Variants in RRAGB observed in about 807,000 individuals in gnomAD.
RRAGB encodes Ras related GTP binding B, also known as ras-related GTP-binding protein B.
Under a neutral mutation model 29.3 loss-of-function variants are expected in RRAGB, and 6 were observed. The ratio of observed to expected loss-of-function variants is 0.21; its 90% CI spans 0.11 to 0.40. The LOEUF is 0.40. RRAGB is among the 10% of genes least tolerant of loss of function. The probability of loss-of-function intolerance (pLI) is 1.00; values close to 1 mark genes in which losing one functional copy is unlikely to be tolerated. For synonymous variants in RRAGB, 101 were observed against 92.5 expected (o/e 1.09, Z -0.53); for missense variants, 184 against 272.9 (o/e 0.67, Z 2.29).
Position 55,731,459 on chromosome X carries a change from G to A in RRAGB, c.389G>A (p.Arg130His), listed in dbSNP as rs1474210216. 5 of 1,206,679 alleles carry A rather than the reference G, an allele frequency of 4.1e-6. No homozygotes were observed. Among genetic ancestry groups the A allele is most frequent in the Middle Eastern group, 2.3e-4 (1 of 4,365 alleles). Residue 130 changes from arginine (R) to histidine (H), a missense_variant, in exon 5 of 10, where the codon CGC becomes CAC. Arg to His is a conservative substitution (Grantham distance 29, BLOSUM62 0). Transcript: ENST00000374941. ...VLIYVFDVES[R>H]ELEKDMHYYQ... ...ATTTATGTCTTTGATGTGGAGAGCC[G>A]CGAACTGGAAAAGGACATGCACTAT... is the stretch of plus-strand genomic sequence containing the variant.
intron 3 of RRAGB, among the ~76,000 whole-genome samples, chrX:55,726,738 A>G (rs2033493038): frequency 9.0e-6 from 1 of 111,577 alleles, no homozygotes; most frequent in Admixed American, 9.6e-5. Flanking sequence ...TGAAAGAGGA[A>G]TAGATTTTGT....
At chrX:55,721,565 A>G (rs1040607509) in intron 2 of RRAGB, among the ~76,000 whole-genome samples, 1 of 111,705 alleles carries the variant, frequency 9.0e-6, no homozygotes, top group Non-Finnish European at 1.9e-5. Flanking sequence ...GCTGTAAGCT[A>G]AAAGTTTCAG....
intron 5 of RRAGB, among the ~76,000 whole-genome samples, chrX:55,740,336 T>C (rs1159707939): frequency 9.1e-6 from 1 of 109,604 alleles, no homozygotes; most frequent in African/African-American, 3.4e-5. Flanking sequence ...AAAAAAAAAA[T>C]CATTGTGATT....
At chrX:55,736,580 G>A (rs775827381) in intron 5 of RRAGB, among the ~76,000 whole-genome samples, 1 of 111,718 alleles carries the variant, frequency 9.0e-6, no homozygotes, top group Non-Finnish European at 1.9e-5. Context: ...CATTTTTCTG[G>A]TTCCTTCTCA....
In RRAGB at chrX:55,752,859, C is replaced by T. The variant is rs1271640497; in HGVS notation, c.613-533C>T. Among the ~76,000 whole-genome samples the T allele has an allele frequency of 4.5e-5, 5 of 111,706 alleles. No homozygotes were observed. In the East Asian group the frequency reaches 1.4e-3, roughly 31 times the overall value. ...AATAATTTATATGGATAACAACAAA[C>T]CTTTGGGAATGATAATGCCACTAGT... is the stretch of plus-strand genomic sequence containing the variant. On this transcript the variant is annotated intron_variant, in intron 6 of 9. Transcript: ENST00000374941.
chrX:55,747,212 A>C (rs1193116704), intron 5 of RRAGB, among the ~76,000 whole-genome samples: 1 of 112,210 alleles, frequency 8.9e-6, no homozygotes, highest in Non-Finnish European at 1.9e-5. Context: ...CTGGCAAAGA[A>C]GACTGAGAAT....
chrX:55,744,488 C>T (rs1773800751), intron 5 of RRAGB, among the ~76,000 whole-genome samples: 1 of 109,175 alleles, frequency 9.2e-6, no homozygotes, highest in South Asian at 4.0e-4. Flanking sequence ...ATATATACCG[C>T]TTTAATTTGG....
intron 3 of RRAGB, chrX:55,727,470 C>A: frequency 2.0e-6 from 1 of 499,811 alleles, no homozygotes. Flanking sequence ...ATGTGCCAGG[C>A]ACTTTATGTA....
chrX:55,740,322 C>CAAAAAAAAAAAAAAAAAAAA (rs542846613), intron 5 of RRAGB, among the ~76,000 whole-genome samples: 1 of 92,443 alleles, frequency 1.1e-5, no homozygotes, highest in African/African-American at 4.0e-5. Flanking sequence ...GACTCCATCT[C>CAAAAAAAAAAAAAAAAAAAA]AAAAAAAAAA....
intron 5 of RRAGB, among the ~76,000 whole-genome samples, chrX:55,750,771 T>C (rs1055267715): frequency 2.5e-4 from 28 of 112,257 alleles, no homozygotes; most frequent in African/African-American, 7.1e-4. Context: ...GGTATGTGTA[T>C]AACTATCTTA....
chrX:55,743,714 C>T (rs1430395269), intron 5 of RRAGB, among the ~76,000 whole-genome samples: 1 of 112,341 alleles, frequency 8.9e-6, no homozygotes, highest in Non-Finnish European at 1.9e-5. Context: ...TTCCACAGAC[C>T]GTTTTGTCAC....
chrX:55,757,203 C>T lies in RRAGB; in HGVS notation c.828-13C>T. The T allele has an allele frequency of 9.6e-7, 1 of 1,044,322 alleles. No homozygotes were observed. Among genetic ancestry groups the T allele is most frequent in the Non-Finnish European group, 1.3e-6 (1 of 750,313 alleles). The allele number at this position is 1,044,322 out of a possible 1,213,427, so 86.1% of individuals were successfully genotyped here. Reference sequence around the variant, plus strand: ...ATTTCATTCTTTAACCTCTCTTCTTCATTTTCCTATAGCAAGCTGGCTGCC... The same window carrying T: ...ATTTCATTCTTTAACCTCTCTTCTTTATTTTCCTATAGCAAGCTGGCTGCC... On this transcript the variant is annotated splice_polypyrimidine_tract_variant and intron_variant, in intron 8 of 9. Coordinates refer to ENST00000374941, the MANE Select transcript of RRAGB (RefSeq NM_006064.5).
At position 55,743,807 on chromosome X, in the gene RRAGB, A is replaced by C. The variant is rs551620092; in HGVS notation, c.517-7294A>C. On this transcript the variant is annotated intron_variant, in intron 5 of 9. Coordinates refer to ENST00000374941, the MANE Select transcript of RRAGB (RefSeq NM_006064.5). ...AGCTCATGAATTGATAACTAATTGTACATCTAACCATTTCTTCTTCCTAGT... is the reference window on the plus strand; with the variant it reads ...AGCTCATGAATTGATAACTAATTGTCCATCTAACCATTTCTTCTTCCTAGT... 8.0e-5 allele frequency among the ~76,000 whole-genome samples: 9 copies of C among 112,110 alleles called. No individual in the cohort carries two copies. In the South Asian group the frequency reaches 1.5e-3, roughly 19 times the overall value.
intron 5 of RRAGB, among the ~76,000 whole-genome samples, chrX:55,749,109 G>A (rs1215639090): frequency 1.0e-5 from 1 of 100,051 alleles, no homozygotes; most frequent in East Asian, 3.4e-4. Context: ...GAGGTGAGTG[G>A]TGCCTCTGCC....
intron 5 of RRAGB, among the ~76,000 whole-genome samples, chrX:55,733,119 C>T (rs1459853908): frequency 5.4e-5 from 6 of 111,182 alleles, no homozygotes; most frequent in Non-Finnish European, 1.1e-4. Context: ...CCTCACCCCC[C>T]ACAACCTCCC....
chrX:55,725,555 T>C (rs1414835363), intron 3 of RRAGB, among the ~76,000 whole-genome samples: 2 of 112,022 alleles, frequency 1.8e-5, no homozygotes, highest in Non-Finnish European at 3.8e-5. Flanking sequence ...TTTTAGTGTT[T>C]TTCTAGTTTC....
chrX:55,724,524 G>A (rs2033410550), intron 3 of RRAGB, among the ~76,000 whole-genome samples: 1 of 111,331 alleles, frequency 9.0e-6, no homozygotes, highest in Non-Finnish European at 1.9e-5. Flanking sequence ...CAAAAGTTTT[G>A]GTCAGGATAG....
chrX:55,742,068 C>T (rs1478293983), intron 5 of RRAGB, among the ~76,000 whole-genome samples: 1 of 112,303 alleles, frequency 8.9e-6, no homozygotes, highest in Admixed American at 9.4e-5. Flanking sequence ...ACTGTTTACT[C>T]TTCTTTTACA....
intron 7 of RRAGB, among the ~76,000 whole-genome samples, chrX:55,754,417 GGT>G (rs1290450109): frequency 1.8e-5 from 2 of 112,769 alleles, no homozygotes; most frequent in Non-Finnish European, 3.7e-5. Context: ...TAGAAACTAA[GGT>G]GTCACAACAC....
Sources: allele counts gnomAD v4.1 joint callset (sites outside exome capture counted in the v4.1 genomes callset), GRCh38; gene constraint gnomAD v4.1.1; transcripts MANE v1.5; gene names NCBI Gene and HGNC (gene_info 2026-07-23, HGNC 2026-07-21).